TAB2: variants seen among roughly 807,000 people sequenced by gnomAD.
The protein encoded by TAB2 is TGF-beta activated kinase 1 (MAP3K7) binding protein 2.
Under a neutral mutation model 65.0 loss-of-function variants are expected in TAB2, and 3 were observed. The observed-to-expected ratio is 0.05, with a 90% CI of 0.02 to 0.12. The LOEUF (loss-of-function observed/expected upper bound fraction) is 0.12, where lower values mean the gene tolerates loss of function less well. Ranked by LOEUF, TAB2 falls within the 10% of genes least tolerant of loss-of-function variation. The pLI, the probability that TAB2 is intolerant of heterozygous loss-of-function variation, is 1.00. For missense variants in TAB2, 623 were observed against 840.3 expected, an observed-to-expected ratio of 0.74 and a Z score of 3.20; for synonymous variants, 298 against 285.1, an observed-to-expected ratio of 1.05 and a Z score of -0.46.
intron 1 of TAB2, among the ~76,000 whole-genome samples, chr6:149,324,147 C>T (rs1413444840): frequency 6.6e-6 from 1 of 152,008 alleles, no homozygotes; most frequent in Non-Finnish European, 1.5e-5. Context: ...AGTACCAGTG[C>T]TCCTAGTACA....
Position 149,290,160 on chromosome 6 carries a change from G to T in TAB2, c.-121+71384G>T, listed in dbSNP as rs867990157. On this transcript the variant is annotated intron_variant, in intron 1 of 1. Coordinates refer to the TAB2 transcript ENST00000606202. ...GATGTTAATGCTGGTCAGCTATGAGGCATGTCCAACTTCCACTTCCCACCA... is the reference window on the plus strand; with the variant it reads ...GATGTTAATGCTGGTCAGCTATGAGTCATGTCCAACTTCCACTTCCCACCA... Among the ~76,000 whole-genome samples, 11 of 152,230 alleles carry T rather than the reference G, an allele frequency of 7.2e-5. No homozygotes were observed. The Middle Eastern group carries it at 0.014, about 188-fold the overall frequency.
At chr6:149,229,255 T>C (rs951702787) in intron 1 of TAB2, among the ~76,000 whole-genome samples, 65 of 152,124 alleles carry the variant, frequency 4.3e-4, no homozygotes, top group African/African-American at 1.5e-3. Flanking sequence ...AGAAAAAACA[T>C]GCAGTGTCAG....
At chr6:149,357,730 C>T (rs939826367) in intron 1 of TAB2, among the ~76,000 whole-genome samples, 10 of 151,052 alleles carry the variant, frequency 6.6e-5, no homozygotes, top group Non-Finnish European at 1.0e-4. Flanking sequence ...GACAGAGTCT[C>T]GCTCTGTCAC....
chr6:149,403,736 G>A (rs55836833), intron 6 of TAB2, among the ~76,000 whole-genome samples: 35,800 of 151,776 alleles, frequency 0.24, 4,416 homozygotes, highest in Non-Finnish European at 0.26. Context: ...GAAAGTGAAG[G>A]AAGCAAGCAG....
chr6:149,390,322 G>T (rs1781940996), intron 3 of TAB2, among the ~76,000 whole-genome samples: 2 of 152,144 alleles, frequency 1.3e-5, no homozygotes, highest in African/African-American at 2.4e-5. Flanking sequence ...CCAGAAGTAA[G>T]TACCTATTAG....
At chr6:149,350,579 A>T (rs981593019) in intron 1 of TAB2, among the ~76,000 whole-genome samples, 5 of 148,154 alleles carry the variant, frequency 3.4e-5, no homozygotes, top group African/African-American at 1.3e-4. Context: ...ATTTCTTCCT[A>T]CTACTGTTTG....
At chr6:149,405,329 G>T (rs372326441) in intron 6 of TAB2, among the ~76,000 whole-genome samples, 1 of 152,188 alleles carries the variant, frequency 6.6e-6, no homozygotes, top group Non-Finnish European at 1.5e-5. Context: ...ATGTAAGCTG[G>T]TGCAGCTATT....
intron 1 of TAB2, among the ~76,000 whole-genome samples, chr6:149,261,272 G>T (rs1778147231): frequency 6.6e-6 from 1 of 152,182 alleles, no homozygotes; most frequent in Admixed American, 6.5e-5. Context: ...AAAGGAAAAT[G>T]AAGAGGCATG....
intron 1 of TAB2, among the ~76,000 whole-genome samples, chr6:149,340,494 A>T (rs1780080995): frequency 1.3e-5 from 2 of 152,202 alleles, no homozygotes; most frequent in Admixed American, 6.5e-5. Flanking sequence ...TTAAAAGAGT[A>T]AAAGCAAGTT....
At chr6:149,328,341 G>A (rs1260954258) in intron 1 of TAB2, among the ~76,000 whole-genome samples, 1 of 152,158 alleles carries the variant, frequency 6.6e-6, no homozygotes, top group Non-Finnish European at 1.5e-5. Context: ...CCCTCAGGCT[G>A]GAGTGCAGTG....
chr6:149,241,882 C>T (rs554593349), intron 1 of TAB2, among the ~76,000 whole-genome samples: 4 of 152,304 alleles, frequency 2.6e-5, no homozygotes, highest in Admixed American at 6.5e-5. Context: ...CTGAAGCCCA[C>T]TCTCAGCCTT....
At chr6:149,332,661 C>T (rs1295184615) in intron 1 of TAB2, among the ~76,000 whole-genome samples, 1 of 151,776 alleles carries the variant, frequency 6.6e-6, no homozygotes. Flanking sequence ...ATTAAGTGCC[C>T]GAATGACTTT....
chr6:149,381,937 T>C (rs1583143986), intron 3 of TAB2, among the ~76,000 whole-genome samples: 1 of 152,162 alleles, frequency 6.6e-6, no homozygotes, highest in East Asian at 1.9e-4. Context: ...TCAAATGGAT[T>C]ATTGCAGTGA....
intron 1 of TAB2, among the ~76,000 whole-genome samples, chr6:149,328,557 G>A (rs140711927): frequency 2.4e-3 from 363 of 152,298 alleles, no homozygotes; most frequent in Middle Eastern, 0.014. Flanking sequence ...CTACCAAAGT[G>A]CTGGGATTAC....
intron 1 of TAB2, among the ~76,000 whole-genome samples, chr6:149,275,234 GAGAAAGAA>G (rs746637120): frequency 0.12 from 7,844 of 64,974 alleles, 371 homozygotes; most frequent in Non-Finnish European, 0.14. Context: ...GGGAGAGAGA[GAGAAAGAA>G]AGAAAGAAAG....
At chr6:149,328,087 A>G (rs769335935) in intron 1 of TAB2, among the ~76,000 whole-genome samples, 1 of 152,222 alleles carries the variant, frequency 6.6e-6, no homozygotes, top group Non-Finnish European at 1.5e-5. Context: ...ACCTAGTTGA[A>G]GTAATTAGGT....
chr6:149,269,104 G>A (rs567743708), intron 1 of TAB2, among the ~76,000 whole-genome samples: 7 of 152,130 alleles, frequency 4.6e-5, no homozygotes, highest in Non-Finnish European at 1.0e-4. Flanking sequence ...GCATTCTCTG[G>A]GACTACAAAG....
rs780182449 is a variant in TAB2 at position 149,378,644 on chromosome 6, C to A, written c.729C>A (p.Asn243Lys). ...GGGTATCTCAGTTTAATCCCATGAA[C>A]CCTCAGCAAGTTTATCAGCCTTCAC... The part of the protein sequence containing the change: ...SGWVSQFNPM[N>K]PQQVYQPSQP... The change falls in exon 3 of 7, where the codon AAC becomes AAA. Residue 243 changes from asparagine to lysine, a missense_variant. Asn to Lys is a moderately conservative substitution (Grantham distance 94). This residue lies in a region of TAB2 where 550 missense variants were observed against 665.7 expected (regional missense o/e 0.83). Coordinates refer to ENST00000637181, the MANE Select transcript of TAB2 (RefSeq NM_001292034.3). The A allele has an allele frequency of 3.7e-6, 6 of 1,613,240 alleles. No homozygotes were observed. Among genetic ancestry groups the A allele is most frequent in the Non-Finnish European group, 5.1e-6 (6 of 1,180,028 alleles).
intron 3 of TAB2, among the ~76,000 whole-genome samples, chr6:149,383,984 C>A (rs918592367): frequency 6.6e-6 from 1 of 152,212 alleles, no homozygotes; most frequent in Non-Finnish European, 1.5e-5. Context: ...ACATAGTTCA[C>A]AGACACTCTC....
Sources: gnomAD v4.1 joint callset for allele counts (sites outside exome capture counted in the v4.1 genomes callset) on GRCh38, gnomAD v4.1.1 for gene constraint, gnomAD v4.1.1 regional missense constraint, MANE v1.5 for transcripts, NCBI Gene and HGNC (gene_info 2026-07-23, HGNC 2026-07-21) for gene names.